Variants in RIMS1 observed in about 807,000 individuals in gnomAD.
RIMS1 encodes the protein regulating synaptic membrane exocytosis protein 1.
Under a neutral mutation model 214.1 loss-of-function variants are expected in RIMS1, and 83 were observed. The observed-to-expected ratio is 0.39, with a 90% confidence interval of 0.32 to 0.47. The LOEUF is 0.47. RIMS1 is among the 20% of genes least tolerant of loss of function. The pLI is 0.99. For missense variants in RIMS1, 2,050 were observed against 2,161.8 expected, an observed-to-expected ratio of 0.95 and a Z score of 1.03; for synonymous variants, 793 against 786.8, an observed-to-expected ratio of 1.01 and a Z score of -0.13.
intron 16 of RIMS1, among the ~76,000 whole-genome samples, chr6:72,256,934 A>G (rs925684698): frequency 6.6e-6 from 1 of 151,918 alleles, no homozygotes; most frequent in African/African-American, 2.4e-5. Flanking sequence ...TAGAGTGACA[A>G]AATGTTTGTA....
chr6:72,291,358 T>C (rs775699180), intron 25 of RIMS1, among the ~76,000 whole-genome samples: 2 of 152,198 alleles, frequency 1.3e-5, no homozygotes, highest in Non-Finnish European at 2.9e-5. Context: ...CTCAAACTTT[T>C]ATTTGTAATT....
intron 1 of RIMS1, among the ~76,000 whole-genome samples, chr6:71,962,848 A>G (rs2151273467): frequency 6.6e-6 from 1 of 152,144 alleles, no homozygotes; most frequent in African/African-American, 2.4e-5. Context: ...TTTTTGTATT[A>G]TAGAAACCCT....
intron 16 of RIMS1, 34 bp downstream of exon 16, chr6:72,252,866 G>A: frequency 2.0e-6 from 3 of 1,500,716 alleles, no homozygotes; most frequent in Non-Finnish European, 2.7e-6. Context: ...CTGCTTCACT[G>A]TGCTGCTTTG....
At chr6:72,371,038 A>G (rs1384622837) in intron 29 of RIMS1, among the ~76,000 whole-genome samples, 1 of 152,208 alleles carries the variant, frequency 6.6e-6, no homozygotes, top group Admixed American at 6.5e-5. Context: ...GAAAAACTTG[A>G]AATTTTAAAA....
intron 4 of RIMS1, among the ~76,000 whole-genome samples, chr6:72,168,381 A>G (rs544265692): frequency 6.6e-6 from 1 of 152,338 alleles, no homozygotes; most frequent in African/African-American, 2.4e-5. Context: ...TAAGCAAGTG[A>G]CTGGTGAGAT....
chr6:72,056,265 A>T (rs1826141834), intron 2 of RIMS1, among the ~76,000 whole-genome samples: 1 of 152,006 alleles, frequency 6.6e-6, no homozygotes, highest in African/African-American at 2.4e-5. Context: ...CTACTTGAGG[A>T]TGGAGGGTGG....
At chr6:72,141,091 G>C (rs1047644701) in intron 4 of RIMS1, among the ~76,000 whole-genome samples, 2 of 151,928 alleles carry the variant, frequency 1.3e-5, no homozygotes, top group Non-Finnish European at 1.5e-5. Flanking sequence ...ACAATATTTT[G>C]ATAGACATTT....
At chr6:72,202,409 TTC>T (rs1473190644) in intron 6 of RIMS1, among the ~76,000 whole-genome samples, 1 of 152,202 alleles carries the variant, frequency 6.6e-6, no homozygotes, top group Non-Finnish European at 1.5e-5. Context: ...TCTCATGATC[TTC>T]TCTCTCTGCA....
chr6:72,260,853 T>A, intron 19 of RIMS1, 86 bp downstream of exon 19: 2 of 1,560,622 alleles, frequency 1.3e-6, no homozygotes. Context: ...TTAGTGGTAT[T>A]ATTACAAGCA....
intron 27 of RIMS1, 123 bp from the exon 28 acceptor site, chr6:72,313,383 T>A: frequency 1.4e-6 from 1 of 724,640 alleles, no homozygotes. Context: ...TTTTAGATAT[T>A]ACAGCTACTC....
At chr6:72,368,220 A>G (rs2098102164) in intron 29 of RIMS1, among the ~76,000 whole-genome samples, 1 of 151,964 alleles carries the variant, frequency 6.6e-6, no homozygotes, top group Non-Finnish European at 1.5e-5. Context: ...TACCTAAGTA[A>G]AAAAGTTTCT....
chr6:72,191,841 C>T (rs2050117551), intron 6 of RIMS1, among the ~76,000 whole-genome samples: 1 of 152,192 alleles, frequency 6.6e-6, no homozygotes, highest in Admixed American at 6.5e-5. Context: ...GTCTTCTGCA[C>T]AGGCCAAATA....
intron 2 of RIMS1, among the ~76,000 whole-genome samples, chr6:72,018,807 A>G (rs1418440270): frequency 1.3e-5 from 2 of 152,196 alleles, no homozygotes; most frequent in Non-Finnish European, 2.9e-5. Flanking sequence ...ATATAGAAAT[A>G]ATTGTTTGAT....
chr6:72,011,708 A>T (rs1810677010), intron 2 of RIMS1, among the ~76,000 whole-genome samples: 1 of 152,244 alleles, frequency 6.6e-6, no homozygotes, highest in Non-Finnish European at 1.5e-5. Flanking sequence ...ACATTTATGC[A>T]GCCAAAAGAC....
At chr6:71,968,927 G>T (rs1190929255) in intron 1 of RIMS1, 56 bp from the exon 2 acceptor site, 1 of 1,473,180 alleles carries the variant, frequency 6.8e-7, no homozygotes, top group Non-Finnish European at 9.5e-7. Context: ...ATTTCTAGAT[G>T]TGTTCTACCC....
chr6:72,398,225 C>T, intron 31 of RIMS1, 24 bp from the exon 32 acceptor site: 1 of 1,455,066 alleles, frequency 6.9e-7, no homozygotes, highest in African/African-American at 1.4e-5. Flanking sequence ...AGCTGAAACA[C>T]ATCTTGCTCC....
At chr6:72,019,715 T>C (rs1167335455) in intron 2 of RIMS1, among the ~76,000 whole-genome samples, 1 of 152,206 alleles carries the variant, frequency 6.6e-6, no homozygotes, top group Admixed American at 6.5e-5. Context: ...CCTGTTCTTC[T>C]TGGTTTCTGT....
At chr6:72,250,792 A>G in intron 13 of RIMS1, 129 bp from the exon 14 acceptor site, 1 of 599,156 alleles carries the variant, frequency 1.7e-6, no homozygotes. Flanking sequence ...AAACTCTATT[A>G]TCTTTTTATA....
chr6:71,945,926 T>A (rs1047736114), intron 1 of RIMS1, among the ~76,000 whole-genome samples: 5 of 152,040 alleles, frequency 3.3e-5, no homozygotes, highest in African/African-American at 1.2e-4. Flanking sequence ...ATTTTTGTAT[T>A]TTTTAGTGGA....
Sources: allele counts gnomAD v4.1 joint callset (sites outside exome capture counted in the v4.1 genomes callset), GRCh38; gene constraint gnomAD v4.1.1; transcripts MANE v1.5; gene names NCBI Gene and HGNC (gene_info 2026-07-23, HGNC 2026-07-21).